The following RCOR3 variants were observed in gnomAD, a reference collection of about 807,000 sequenced individuals.
RCOR3 encodes REST corepressor 3.
Under a neutral mutation model 64.1 loss-of-function variants are expected in RCOR3, and 13 were observed. The ratio of observed to expected loss-of-function variants is 0.20; its 90% confidence interval spans 0.13 to 0.32. RCOR3 has a LOEUF of 0.32. Ranked by LOEUF, RCOR3 falls within the 10% of genes least tolerant of loss-of-function variation. The pLI is 1.00. For missense variants in RCOR3, 489 were observed against 701.2 expected (o/e 0.70, Z 3.42); for synonymous variants, 215 against 239.0 (o/e 0.90, Z 0.93).
Position 211,313,638 on chromosome 1 carries a change from C to G in RCOR3, c.1532C>G (p.Pro511Arg). 1 of 1,614,202 alleles carries G rather than the reference C, an allele frequency of 6.2e-7. No homozygotes were observed. The highest frequency in any genetic ancestry group is 8.5e-7 in the Non-Finnish European group (1 of 1,180,032). Residue 511 changes from proline (P) to arginine (R), a missense_variant, in exon 12 of 12, where the codon CCA (proline) becomes CGA (arginine). Pro to Arg is a moderately radical substitution (Grantham distance 103). Coordinates refer to ENST00000419091, the MANE Select transcript of RCOR3 (RefSeq NM_001136223.3). This position sits in a 1 kb window ranked among gnomAD's most constrained non-coding sequence, Gnocchi z 4.7. ...QPRPTLNQPP[P>R]PLIRPANSMP... is the part of the protein sequence containing the mutation. ...CGGCCAACTTTAAATCAGCCTCCAC[C>G]ACCTCTTATTCGCCCTGCTAATTCC...
chr1:211,293,439 TC>T (rs1237963348), intron 8 of RCOR3, among the ~76,000 whole-genome samples: 6 of 152,226 alleles, frequency 3.9e-5, no homozygotes, highest in African/African-American at 1.4e-4. Flanking sequence ...TTTTCTGTCT[TC>T]CTAAGCGTTA....
At chr1:211,259,946 C>CCAAACCCAGCCCA in intron 1 of RCOR3, 162 bp from the exon 2 acceptor site, 1 of 1,375,004 alleles carries the variant, frequency 7.3e-7, no homozygotes, top group Non-Finnish European at 9.4e-7. Flanking sequence ...TCCCCGCCCC[C>CCAAACCCAGCCCA]AATCCGCTGC....
intron 8 of RCOR3, among the ~76,000 whole-genome samples, chr1:211,290,700 C>G (rs1404964557): frequency 6.6e-6 from 1 of 152,122 alleles, no homozygotes; most frequent in Non-Finnish European, 1.5e-5. Flanking sequence ...TCTATTACTT[C>G]TCTTTAGCTG....
chr1:211,285,945 G>A (rs1347559287), intron 7 of RCOR3, among the ~76,000 whole-genome samples: 1 of 152,110 alleles, frequency 6.6e-6, no homozygotes. Context: ...ATTGGCTTCT[G>A]CCTTGAAGAT....
At chr1:211,274,011 A>G (rs552039317) in intron 3 of RCOR3, among the ~76,000 whole-genome samples, 199 bp from the exon 4 acceptor site, 3 of 152,256 alleles carry the variant, frequency 2.0e-5, no homozygotes, top group South Asian at 4.1e-4. Context: ...AAGTTATACT[A>G]AATAAAATTT....
chr1:211,296,935 C>T (rs567170281), intron 9 of RCOR3, among the ~76,000 whole-genome samples: 16 of 151,532 alleles, frequency 1.1e-4, no homozygotes, highest in Admixed American at 2.6e-4. Context: ...AATAAAATAC[C>T]GCAGATATTA....
At chr1:211,296,993 AAAAT>A (rs1291436320) in intron 9 of RCOR3, among the ~76,000 whole-genome samples, 1 of 152,098 alleles carries the variant, frequency 6.6e-6, no homozygotes, top group African/African-American at 2.4e-5. Flanking sequence ...GTAAGTGTGA[AAAAT>A]AAAACATTGA....
intron 1 of RCOR3, 26 bp downstream of exon 1, chr1:211,259,752 C>G: frequency 2.1e-6 from 3 of 1,448,200 alleles, no homozygotes; most frequent in Non-Finnish European, 2.7e-6. Flanking sequence ...TCCTCCCCGC[C>G]AGCCCGCCTG....
intron 1 of RCOR3, 86 bp downstream of exon 1, chr1:211,259,812 G>T: frequency 2.3e-6 from 2 of 875,968 alleles, no homozygotes; most frequent in Non-Finnish European, 2.9e-6. Flanking sequence ...CCGCTCTCCC[G>T]CCCTCCCTCC....
intron 9 of RCOR3, among the ~76,000 whole-genome samples, chr1:211,298,681 T>C (rs1700076146): frequency 6.6e-6 from 1 of 152,072 alleles, no homozygotes; most frequent in South Asian, 2.1e-4. Flanking sequence ...TAGACATCAG[T>C]GGGCAGGGTC....
At chr1:211,266,877 G>A (rs1273130426) in intron 2 of RCOR3, among the ~76,000 whole-genome samples, 2 of 152,134 alleles carry the variant, frequency 1.3e-5, no homozygotes, top group African/African-American at 2.4e-5. Flanking sequence ...AAGGAATCAC[G>A]TCTGAATTGT....
chr1:211,286,415 C>CAG (rs1334780268), intron 7 of RCOR3, among the ~76,000 whole-genome samples: 1 of 151,406 alleles, frequency 6.6e-6, no homozygotes, highest in East Asian at 1.9e-4. Context: ...TCAAGTGATT[C>CAG]TCCTGCCTCA....
At chr1:211,262,503 T>C (rs976183427) in intron 2 of RCOR3, among the ~76,000 whole-genome samples, 2 of 152,204 alleles carry the variant, frequency 1.3e-5, no homozygotes, top group African/African-American at 4.8e-5. Context: ...GTGATAGTTA[T>C]TTCCAAATTA....
chr1:211,294,488 GTTTTTTAA>G (rs1383814352), intron 8 of RCOR3, among the ~76,000 whole-genome samples: 1 of 149,088 alleles, frequency 6.7e-6, no homozygotes, highest in African/African-American at 2.5e-5. Context: ...TGTCATTGAA[GTTTTTTAA>G]TGTTGTGTCC....
intron 7 of RCOR3, among the ~76,000 whole-genome samples, chr1:211,281,626 A>G (rs1697823042): frequency 6.6e-6 from 1 of 152,138 alleles, no homozygotes; most frequent in East Asian, 1.9e-4. Flanking sequence ...ATTTCAGATT[A>G]CTAACAGTGT....
At chr1:211,308,693 T>TG (rs1701166595) in intron 10 of RCOR3, among the ~76,000 whole-genome samples, 14 of 65,196 alleles carry the variant, frequency 2.1e-4, no homozygotes, top group African/African-American at 7.1e-4. Flanking sequence ...TGTTTTTTTT[T>TG]TTTTTTGTGT....
chr1:211,289,198 C>A lies in RCOR3; in HGVS notation c.741C>A (p.Val247=). Residue 247 remains valine, a synonymous_variant, in exon 8 of 12, where the codon GTC becomes GTA. Coordinates refer to ENST00000419091, the MANE Select transcript of RCOR3 (RefSeq NM_001136223.3). The part of the protein sequence containing the change: ...AKKEGNTEQP[V]QTSKIGLGRR... ...CTTAGGGTAATACTGAACAACCTGT[C>A]CAAACTAGCAAGATTGGACTTGGAA... The A allele has an allele frequency of 6.2e-7, 1 of 1,614,008 alleles. No homozygotes were observed. Among genetic ancestry groups the A allele is most frequent in the Non-Finnish European group, 8.5e-7 (1 of 1,179,942 alleles).
chr1:211,272,239 A>G (rs1045731435), intron 3 of RCOR3, among the ~76,000 whole-genome samples: 2 of 152,212 alleles, frequency 1.3e-5, no homozygotes, highest in Non-Finnish European at 2.9e-5. Context: ...AGAAAACATG[A>G]AATTATTCAT....
At position 211,282,943 on chromosome 1, in the gene RCOR3, T is replaced by C. The variant is rs183436096; in HGVS notation, c.720+3627T>C. ...TCATTTAGTTTCATTTATTTCATAC[T>C]TTATTTAATTGGAATCATATTGTAT... On this transcript the variant is annotated intron_variant, in intron 7 of 11. Transcript: ENST00000419091. Among the ~76,000 whole-genome samples, 289 of 151,650 alleles carry C rather than the reference T, an allele frequency of 1.9e-3. 1 individual carries two copies. Among genetic ancestry groups the C allele is most frequent in the African/African-American group, 6.9e-3 (283 of 41,078 alleles).
Sources: gnomAD v4.1 joint callset for allele counts (sites outside exome capture counted in the v4.1 genomes callset) on GRCh38, gnomAD v4.1.1 for gene constraint, Gnocchi (gnomAD v3.1) non-coding constraint, MANE v1.5 for transcripts, NCBI Gene and HGNC (gene_info 2026-07-23, HGNC 2026-07-21) for gene names.